The following STK39 variants were observed in gnomAD, a reference collection of about 807,000 sequenced individuals.
STK39 encodes the protein serine/threonine kinase 39.
A neutral mutation model predicts 77.8 loss-of-function variants in STK39; 20 were observed. The ratio of observed to expected loss-of-function variants is 0.26; its 90% CI spans 0.18 to 0.37. The LOEUF is 0.37. Among genes scored for constraint, STK39 ranks in the 10% least tolerant of loss-of-function variants. STK39 has a pLI of 1.00. For missense variants in STK39, 479 were observed against 656.5 expected (o/e 0.73, Z 2.95); for synonymous variants, 246 against 234.1 (o/e 1.05, Z -0.47).
intron 1 of STK39, among the ~76,000 whole-genome samples, chr2:168,239,430 G>A (rs1309475880): frequency 6.6e-6 from 1 of 152,222 alleles, no homozygotes; most frequent in Non-Finnish European, 1.5e-5. Flanking sequence ...AGGAGAGCCA[G>A]GCCTCTGCCT....
intron 1 of STK39, among the ~76,000 whole-genome samples, chr2:168,220,098 T>C (rs1212100805): frequency 2.0e-5 from 3 of 152,274 alleles, no homozygotes; most frequent in South Asian, 4.1e-4. Flanking sequence ...TATACATTTA[T>C]AAATAGAGAT....
At chr2:168,074,799 A>AT (rs1686033482) in intron 12 of STK39, among the ~76,000 whole-genome samples, 183 bp downstream of exon 12, 1 of 152,160 alleles carries the variant, frequency 6.6e-6, no homozygotes, top group Non-Finnish European at 1.5e-5. Flanking sequence ...AAGCAAAGTA[A>AT]TTTGCCCCGA....
intron 5 of STK39, among the ~76,000 whole-genome samples, chr2:168,160,165 G>C (rs1688533050): frequency 6.6e-6 from 1 of 152,140 alleles, no homozygotes; most frequent in South Asian, 2.1e-4. Flanking sequence ...AATAAGGCAG[G>C]GGCTGACCAG....
At chr2:168,199,723 C>A (rs1245994012) in intron 1 of STK39, among the ~76,000 whole-genome samples, 2 of 152,132 alleles carry the variant, frequency 1.3e-5, no homozygotes, top group Non-Finnish European at 2.9e-5. Flanking sequence ...CCATGTTGAT[C>A]AGGCTGGTCT....
chr2:168,084,835 C>A (rs1686325972), intron 10 of STK39, among the ~76,000 whole-genome samples: 1 of 152,190 alleles, frequency 6.6e-6, no homozygotes, highest in Non-Finnish European at 1.5e-5. Flanking sequence ...CAGGGTGAAA[C>A]TGCACAACCT....
At chr2:168,047,500 C>A (rs1318813873) in intron 14 of STK39, among the ~76,000 whole-genome samples, 1 of 152,170 alleles carries the variant, frequency 6.6e-6, no homozygotes, top group African/African-American at 2.4e-5. Flanking sequence ...TGTATCTGCT[C>A]CACAGCAAGA....
At chr2:168,110,201 T>C (rs186693325) in intron 10 of STK39, among the ~76,000 whole-genome samples, 151 of 152,284 alleles carry the variant, frequency 9.9e-4, no homozygotes, top group Admixed American at 3.3e-3. Flanking sequence ...GTTATATGTA[T>C]GTATGCTGTG....
chr2:168,063,529 A>G lies in STK39; in HGVS notation c.1347T>C (p.Ser449=), dbSNP rs200712129. 106 of 1,613,336 alleles carry G rather than the reference A, an allele frequency of 6.6e-5. No homozygotes were observed. The East Asian group carries it at 1.1e-3, about 17-fold the overall frequency. ...NANEDYREAS[S]CAVNLVLRLR... ...ATCTCAAAACGAGGTTCACGGCACA[A>G]GAAGAAGCTTCTCTGTAGTCTTCAT... The change falls in exon 14 of 18, where the codon TCT becomes TCC. Residue 449 remains serine (S), a synonymous_variant. Coordinates refer to ENST00000355999, the MANE Select transcript of STK39 (RefSeq NM_013233.3).
At chr2:167,994,783 C>A (rs754998145) in intron 16 of STK39, among the ~76,000 whole-genome samples, 1 of 152,062 alleles carries the variant, frequency 6.6e-6, no homozygotes, top group Non-Finnish European at 1.5e-5. Flanking sequence ...AAAAATTATG[C>A]CAGAAAGAGT....
chr2:168,002,533 C>T (rs1227101188), intron 16 of STK39, among the ~76,000 whole-genome samples: 1 of 152,158 alleles, frequency 6.6e-6, no homozygotes, highest in South Asian at 2.1e-4. Context: ...GGATTCAATC[C>T]TATGAATGGA....
In STK39 at chr2:168,094,589, C is replaced by T. The variant is rs535962631; in HGVS notation, c.1090-19358G>A. Among the ~76,000 whole-genome samples, 45 of 152,276 alleles carry T rather than the reference C, an allele frequency of 3.0e-4. 2 individuals are homozygous for T. In the South Asian group the frequency reaches 8.3e-3, roughly 28 times the overall value. ...TTTTGTGAGTCTTCATTTTCCTTCACCTCTCTGCAGCATTCAGAACTGCTG... is the reference window on the plus strand; with the variant it reads ...TTTTGTGAGTCTTCATTTTCCTTCATCTCTCTGCAGCATTCAGAACTGCTG... On this transcript the variant is annotated intron_variant, in intron 10 of 17. Coordinates refer to ENST00000355999, the MANE Select transcript of STK39 (RefSeq NM_013233.3).
chr2:168,247,538 T>C lies in STK39; in HGVS notation c.-103A>G, dbSNP rs1163677255. 1.1e-4 allele frequency: 38 copies of C among 357,808 alleles called. No individual in the cohort carries two copies. Among genetic ancestry groups the C allele is most frequent in the Non-Finnish European group, 1.3e-4 (36 of 274,510 alleles). 22.2% of individuals were successfully genotyped at this position (357,808 alleles called of 1,614,324 possible). ...GACACCTCTCGGCCGGCGCACGCCC[T>C]CCCCGCCCGCCGCCGCCGCCGCCGT... On this transcript the variant is annotated 5_prime_UTR_variant, in exon 1 of 18. Coordinates refer to ENST00000355999, the MANE Select transcript of STK39 (RefSeq NM_013233.3).
chr2:168,177,996 AG>A (rs1688995114), intron 2 of STK39, among the ~76,000 whole-genome samples: 1 of 152,218 alleles, frequency 6.6e-6, no homozygotes, highest in African/African-American at 2.4e-5. Flanking sequence ...CTCATTCACT[AG>A]TCCATGGTCT....
intron 14 of STK39, among the ~76,000 whole-genome samples, chr2:168,060,581 A>T (rs553382373): frequency 6.6e-6 from 1 of 152,356 alleles, no homozygotes; most frequent in East Asian, 1.9e-4. Context: ...CAACCTAACT[A>T]GACAAATGTA....
At chr2:168,197,243 T>C (rs1366580521) in intron 1 of STK39, among the ~76,000 whole-genome samples, 1 of 152,206 alleles carries the variant, frequency 6.6e-6, no homozygotes, top group Non-Finnish European at 1.5e-5. Context: ...GACTTGCTGA[T>C]AGATTGGAAG....
At chr2:168,135,105 C>A (rs1322750228) in intron 8 of STK39, among the ~76,000 whole-genome samples, 1 of 151,714 alleles carries the variant, frequency 6.6e-6, no homozygotes, top group Admixed American at 6.6e-5. Flanking sequence ...GGATAAGTGG[C>A]ACAGGTTCTC....
At chr2:168,197,808 G>A (rs575828281) in intron 1 of STK39, among the ~76,000 whole-genome samples, 2 of 152,230 alleles carry the variant, frequency 1.3e-5, no homozygotes, top group Admixed American at 1.3e-4. Context: ...GGCTGAGGTG[G>A]CCGGATCACC....
At chr2:168,114,427 A>AT (rs1198565700) in intron 10 of STK39, among the ~76,000 whole-genome samples, 2 of 152,194 alleles carry the variant, frequency 1.3e-5, no homozygotes, top group Admixed American at 1.3e-4. Flanking sequence ...CAAAAAAAGC[A>AT]TTTTTAGAAT....
At position 168,094,682 on chromosome 2, in the gene STK39, T is replaced by C. The variant is rs184913014; in HGVS notation, c.1090-19451A>G. Reference sequence around the variant, plus strand: ...CCTCCTCTCATAGTTCTCTGCATCCTCCACTTGTTCCTGTGACTGTTCCCC... The same window carrying C: ...CCTCCTCTCATAGTTCTCTGCATCCCCCACTTGTTCCTGTGACTGTTCCCC... On this transcript the variant is annotated intron_variant, in intron 10 of 17. Coordinates refer to ENST00000355999, the MANE Select transcript of STK39 (RefSeq NM_013233.3). Among the ~76,000 whole-genome samples the C allele has an allele frequency of 4.1e-3, 617 of 152,296 alleles. 6 individuals are homozygous for C. The highest frequency in any genetic ancestry group is 0.014 in the African/African-American group (592 of 41,570).
Sources: allele counts gnomAD v4.1 joint callset (sites outside exome capture counted in the v4.1 genomes callset), GRCh38; gene constraint gnomAD v4.1.1; transcripts MANE v1.5; gene names NCBI Gene and HGNC (gene_info 2026-07-23, HGNC 2026-07-21).